Variants in SHROOM3 observed in about 807,000 individuals in gnomAD.
The protein encoded by SHROOM3 is shroom family member 3, also known as protein Shroom3.
In SHROOM3, 47 loss-of-function variants were observed where a neutral mutation model predicts 138.6. The ratio of observed to expected loss-of-function variants is 0.34; its 90% CI spans 0.27 to 0.43. The LOEUF is 0.43. Among genes scored for constraint, SHROOM3 ranks in the 20% least tolerant of loss-of-function variants. SHROOM3 has a pLI of 1.00. For missense variants in SHROOM3, 2,491 were observed against 2,596.5 expected, an observed-to-expected ratio of 0.96 and a Z score of 0.88; for synonymous variants, 1,062 against 1,063.3, an observed-to-expected ratio of 1.00 and a Z score of 0.02.
At chr4:76,773,100 G>C (rs1458863174) in intron 10 of SHROOM3, among the ~76,000 whole-genome samples, 1 of 152,134 alleles carries the variant, frequency 6.6e-6, no homozygotes, top group African/African-American at 2.4e-5. Flanking sequence ...GCTAAGGCTG[G>C]GTGCAGTGGC....
At chr4:76,597,219 C>T (rs1461186506) in intron 2 of SHROOM3, among the ~76,000 whole-genome samples, 1 of 152,204 alleles carries the variant, frequency 6.6e-6, no homozygotes, top group Non-Finnish European at 1.5e-5. Context: ...GAGTTTAAAT[C>T]TGGTGGCTGT....
At chr4:76,775,121 G>A (rs987472386) in intron 10 of SHROOM3, among the ~76,000 whole-genome samples, 1 of 151,884 alleles carries the variant, frequency 6.6e-6, no homozygotes, top group African/African-American at 2.4e-5. Context: ...CACCCTTCCC[G>A]CTGAGTCCCC....
At chr4:76,585,277 T>A (rs1350834633) in intron 2 of SHROOM3, among the ~76,000 whole-genome samples, 1 of 152,206 alleles carries the variant, frequency 6.6e-6, no homozygotes, top group Non-Finnish European at 1.5e-5. Context: ...TCAAATTCTT[T>A]TGCAAGGAAA....
chr4:76,673,730 T>G (rs1052902441), intron 2 of SHROOM3, among the ~76,000 whole-genome samples: 1 of 152,244 alleles, frequency 6.6e-6, no homozygotes, highest in African/African-American at 2.4e-5. Context: ...TCACCACTTA[T>G]AAGCGTGCAA....
rs1721835763 is a variant in SHROOM3 at position 76,756,942 on chromosome 4, G to A, written c.5198+5G>A. The A allele has an allele frequency of 1.2e-6, 2 of 1,613,732 alleles. No individual in the cohort carries two copies. Among genetic ancestry groups the A allele is most frequent in the African/African-American group, 2.7e-5 (2 of 74,914 alleles). Reference sequence around the variant, plus strand: ...TTCAGGATGTGAAGGCAAGAGGTAAGTCCCTGGTGATGTCCTCAGAGAGAC... The same window carrying A: ...TTCAGGATGTGAAGGCAAGAGGTAAATCCCTGGTGATGTCCTCAGAGAGAC... On this transcript the variant is annotated splice_donor_5th_base_variant and intron_variant, in intron 8 of 10. Transcript: ENST00000296043.
intron 1 of SHROOM3, among the ~76,000 whole-genome samples, chr4:76,530,054 T>A (rs1014143397): frequency 6.6e-6 from 1 of 152,238 alleles, no homozygotes; most frequent in African/African-American, 2.4e-5. Context: ...GGGGTCCTGA[T>A]CTAGTTCTCT....
chr4:76,748,905 AAT>A, intron 5 of SHROOM3, 110 bp from the exon 6 acceptor site: 1 of 951,684 alleles, frequency 1.1e-6, no homozygotes, highest in Non-Finnish European at 1.7e-6. Context: ...GTGGCCTGAC[AAT>A]AGTAGGTTGC....
At chr4:76,445,725 G>A (rs1051859815) in intron 1 of SHROOM3, among the ~76,000 whole-genome samples, 6 of 151,786 alleles carry the variant, frequency 4.0e-5, no homozygotes, top group East Asian at 1.9e-4. Flanking sequence ...AGGGTAGATC[G>A]CACCAAGAGT....
chr4:76,517,255 C>A (rs929099726), intron 1 of SHROOM3, among the ~76,000 whole-genome samples: 3 of 152,156 alleles, frequency 2.0e-5, no homozygotes, highest in African/African-American at 7.2e-5. Flanking sequence ...CCCTTGTCAT[C>A]CAGGAACTAA....
At chr4:76,493,751 T>C (rs1283172951) in intron 1 of SHROOM3, among the ~76,000 whole-genome samples, 2 of 152,086 alleles carry the variant, frequency 1.3e-5, no homozygotes, top group African/African-American at 2.4e-5. Flanking sequence ...GAGGCCAAGG[T>C]GGGCGGATCA....
chr4:76,511,564 C>A (rs573139144), intron 1 of SHROOM3, among the ~76,000 whole-genome samples: 1 of 152,224 alleles, frequency 6.6e-6, no homozygotes, highest in East Asian at 1.9e-4. Flanking sequence ...CAAGTTTTCA[C>A]CTGTGATGAG....
chr4:76,641,663 A>C (rs772415540), intron 2 of SHROOM3, among the ~76,000 whole-genome samples: 8 of 152,186 alleles, frequency 5.3e-5, no homozygotes, highest in Non-Finnish European at 8.8e-5. Flanking sequence ...ACCTTCCTTC[A>C]TTCATCATCT....
At chr4:76,764,221 C>T (rs1317747186) in intron 9 of SHROOM3, among the ~76,000 whole-genome samples, 1 of 152,116 alleles carries the variant, frequency 6.6e-6, no homozygotes, top group Non-Finnish European at 1.5e-5. Context: ...ATTGTCTGAA[C>T]TTTTGATATA....
chr4:76,551,677 G>T (rs1285722586), intron 1 of SHROOM3, among the ~76,000 whole-genome samples: 1 of 152,094 alleles, frequency 6.6e-6, no homozygotes, highest in East Asian at 1.9e-4. Context: ...ACAGTCCAAG[G>T]TGGGGAGGGG....
chr4:76,598,227 C>T (rs950238429), intron 2 of SHROOM3, among the ~76,000 whole-genome samples: 1 of 151,804 alleles, frequency 6.6e-6, no homozygotes. Context: ...GGGGTTTCAC[C>T]GTGTTAGCCA....
chr4:76,778,796 T>G lies in SHROOM3; in HGVS notation c.5623-13T>G. 1 of 1,612,166 alleles carries G rather than the reference T, an allele frequency of 6.2e-7. No individual in the cohort carries two copies. Among genetic ancestry groups the G allele is most frequent in the South Asian group, 1.1e-5 (1 of 90,960 alleles). Reference sequence around the variant, plus strand: ...CCCTGGCCTTCATTGATCTGTCCAATTTTCCCTGGCAGAGCTCTCTTTACG... The same window carrying G: ...CCCTGGCCTTCATTGATCTGTCCAAGTTTCCCTGGCAGAGCTCTCTTTACG... On this transcript the variant is annotated splice_polypyrimidine_tract_variant and intron_variant, in intron 10 of 10. Coordinates refer to ENST00000296043, the MANE Select transcript of SHROOM3 (RefSeq NM_020859.4).
At chr4:76,574,510 C>G (rs1215089716) in intron 2 of SHROOM3, among the ~76,000 whole-genome samples, 1 of 152,092 alleles carries the variant, frequency 6.6e-6, no homozygotes, top group Non-Finnish European at 1.5e-5. Flanking sequence ...CCCTCTCTAC[C>G]AACGCCTTTC....
At chr4:76,533,179 C>G (rs988138450) in intron 1 of SHROOM3, among the ~76,000 whole-genome samples, 1 of 152,106 alleles carries the variant, frequency 6.6e-6, no homozygotes, top group African/African-American at 2.4e-5. Context: ...AATGCAAAAC[C>G]ATTAATAAGG....
chr4:76,758,768 AAAT>A (rs1721900252), intron 8 of SHROOM3, among the ~76,000 whole-genome samples: 1 of 152,302 alleles, frequency 6.6e-6, no homozygotes, highest in East Asian at 1.9e-4. Context: ...GCTAGATGTT[AAAT>A]AATATCACAA....
Sources: allele counts gnomAD v4.1 joint callset (sites outside exome capture counted in the v4.1 genomes callset), GRCh38; gene constraint gnomAD v4.1.1; transcripts MANE v1.5; gene names NCBI Gene and HGNC (gene_info 2026-07-23, HGNC 2026-07-21).